Variants in WDR74 observed in about 807,000 individuals in gnomAD.
WDR74 encodes the protein WD repeat domain 74, also known as WD repeat-containing protein 74.
WDR74 carries 31 observed loss-of-function variants against 45.6 expected under a neutral mutation model. That is an observed-to-expected ratio of 0.68 (90% confidence interval 0.51 to 0.92). The LOEUF (loss-of-function observed/expected upper bound fraction) is 0.92, where lower values mean the gene tolerates loss of function less well. Among genes scored for constraint, WDR74 ranks in the 40% least tolerant of loss-of-function variants. The probability of loss-of-function intolerance (pLI) is 0.00; values close to 1 mark genes in which losing one functional copy is unlikely to be tolerated. For synonymous variants in WDR74, 191 were observed against 192.4 expected (o/e 0.99, Z 0.06); for missense variants, 455 against 497.2 (o/e 0.92, Z 0.81).
At chr11:62,837,427 G>A (rs1051163338) in intron 3 of WDR74, among the ~76,000 whole-genome samples, 1 of 151,286 alleles carries the variant, frequency 6.6e-6, no homozygotes, top group African/African-American at 2.4e-5. Context: ...AGCCTGGGAG[G>A]CAGAAGTTGC....
chr11:62,841,689 T>A (rs554345122), upstream of WDR74: 2 of 152,050 alleles, frequency 1.3e-5, no homozygotes, highest in African/African-American at 2.4e-5. Flanking sequence ...CAAGCTCCTA[T>A]TCCATCTCCT....
upstream of WDR74, among the ~76,000 whole-genome samples, chr11:62,841,162 TA>T (rs2085039216): frequency 2.0e-5 from 3 of 151,916 alleles, no homozygotes; most frequent in Non-Finnish European, 2.9e-5. Flanking sequence ...ATTAAAAGTA[TA>T]AAAATTCGCT....
At chr11:62,834,082 AGGTGAGGAAACTAAGGCACAGGGAGTT>A in intron 8 of WDR74, 145 bp from the exon 9 acceptor site, 1 of 1,421,998 alleles carries the variant, frequency 7.0e-7, no homozygotes, top group African/African-American at 1.4e-5. Context: ...TCCATTTCGC[AGGTGAGGAAACTAAGGCACAGGGAGTT>A]GAAATAATTA....
upstream of WDR74, chr11:62,841,754 T>C (rs989007850): frequency 2.6e-5 from 4 of 152,226 alleles, no homozygotes; most frequent in African/African-American, 4.8e-5. Flanking sequence ...TATCAGATAT[T>C]AAACTGATAA....
At chr11:62,837,025 G>A (rs1038657951) in intron 3 of WDR74, among the ~76,000 whole-genome samples, 4 of 152,100 alleles carry the variant, frequency 2.6e-5, no homozygotes, top group Non-Finnish European at 4.4e-5. Context: ...GCAGTGAGCC[G>A]AGATCATGCC....
In WDR74 at chr11:62,835,422, A is replaced by G. The variant is rs1443600130; in HGVS notation, c.618+9T>C. ...CCCAGGAGAAGGCAGGTGTGAGGTGACACCTTACCTGGTGGTACCCTGTGC... is the reference window on the plus strand; with the variant it reads ...CCCAGGAGAAGGCAGGTGTGAGGTGGCACCTTACCTGGTGGTACCCTGTGC... On this transcript the variant is annotated intron_variant, in intron 6 of 10. Transcript: ENST00000278856. The G allele has an allele frequency of 6.2e-7, 1 of 1,613,076 alleles. No homozygotes were observed. The highest frequency in any genetic ancestry group is 1.3e-5 in the African/African-American group (1 of 74,886).
At chr11:62,841,598 A>T (rs539260370), upstream of WDR74, 1 of 152,156 alleles carries the variant, frequency 6.6e-6, no homozygotes. Flanking sequence ...CCATTAAACA[A>T]CGGTTGTTCT....
chr11:62,835,359 C>T (rs1025413640), intron 6 of WDR74, 72 bp downstream of exon 6: 1 of 1,430,110 alleles, frequency 7.0e-7, no homozygotes, highest in East Asian at 2.3e-5. Flanking sequence ...GCAGTTGTGT[C>T]AAACCGTGGG....
At chr11:62,840,835 G>C (rs955968402), upstream of WDR74, among the ~76,000 whole-genome samples, 1 of 152,140 alleles carries the variant, frequency 6.6e-6, no homozygotes, top group African/African-American at 2.4e-5. Flanking sequence ...CCAACCTCCC[G>C]AAGTGCTAGG....
At chr11:62,838,482 G>C (rs893429684) in intron 3 of WDR74, among the ~76,000 whole-genome samples, 3 of 151,842 alleles carry the variant, frequency 2.0e-5, no homozygotes, top group Non-Finnish European at 4.4e-5. Context: ...ATGACAAGCA[G>C]GCACAGTGGC....
chr11:62,833,025 C>T lies in WDR74; in HGVS notation c.1085G>A (p.Gly362Asp), dbSNP rs1212790166. ...GAGAGCTCCTTGGGGCTGCTCCAAA[C>T]CCGAGAGCTTCCGCTTGGCAGCTGC... Reference protein sequence around the residue: ...LEAAAKRKLSGLEQPQGALQT... With the variant: ...LEAAAKRKLSDLEQPQGALQT... The change falls in exon 11 of 11, where the codon GGT becomes GAT. Residue 362 changes from glycine to aspartate, a missense_variant. Transcript: ENST00000278856. 2 of 1,609,952 alleles carry T rather than the reference C, an allele frequency of 1.2e-6. No individual in the cohort carries two copies. The highest frequency in any genetic ancestry group is 1.7e-6 in the Non-Finnish European group (2 of 1,178,256).
At chr11:62,835,349 G>T in intron 6 of WDR74, 82 bp downstream of exon 6, 1 of 1,271,206 alleles carries the variant, frequency 7.9e-7, no homozygotes, top group Non-Finnish European at 1.1e-6. Context: ...GGTGAGAAGA[G>T]CAGTTGTGTC....
chr11:62,841,368 C>CT (rs1565224911), upstream of WDR74, among the ~76,000 whole-genome samples: 1 of 152,052 alleles, frequency 6.6e-6, no homozygotes, highest in East Asian at 1.9e-4. Context: ...GGGGTGGTGG[C>CT]AAGCGCTCAA....
At chr11:62,841,643 A>ACTGC (rs2085061328), upstream of WDR74, 1 of 152,248 alleles carries the variant, frequency 6.6e-6, no homozygotes, top group African/African-American at 2.4e-5. Flanking sequence ...TCCTGGAAGT[A>ACTGC]CTGCAATACC....
chr11:62,840,355 C>T, upstream of WDR74: 1 of 152,062 alleles, frequency 6.6e-6, no homozygotes, highest in Non-Finnish European at 1.5e-5. Context: ...TGGTGGCGGG[C>T]GCCTGTAGTC....
At chr11:62,841,651 A>G (rs1323478630), upstream of WDR74, 4 of 152,224 alleles carry the variant, frequency 2.6e-5, no homozygotes, top group Admixed American at 6.5e-5. Context: ...GTACTGCAAT[A>G]CCAGGTCGAT....
upstream of WDR74, chr11:62,841,710 A>G (rs867579943): frequency 3.9e-5 from 6 of 152,214 alleles, no homozygotes; most frequent in Non-Finnish European, 5.9e-5. Flanking sequence ...ATTTCCAAAA[A>G]TCCATTTAAT....
rs2084949740 is a variant in WDR74, at chr11:62,835,751, C to T, written c.460G>A (p.Ala154Thr). 6.2e-7 allele frequency: 1 copy of T among 1,613,952 alleles called. No individual in the cohort carries two copies. The highest frequency in any genetic ancestry group is 8.5e-7 in the Non-Finnish European group (1 of 1,179,882). Residue 154 changes from alanine to threonine, a missense_variant, in exon 5 of 11, where the codon GCT (alanine) becomes ACT (threonine). Coordinates refer to ENST00000278856, the MANE Select transcript of WDR74 (RefSeq NM_001369450.1). ...HVVATGGKEN[A>T]LKIWDLQGSE... Reference sequence around the variant, plus strand: ...CCCTGCAGGTCCCATATCTTCAAAGCATTCTCTTTCCCACCTGTGGCAACC... The same window carrying T: ...CCCTGCAGGTCCCATATCTTCAAAGTATTCTCTTTCCCACCTGTGGCAACC...
chr11:62,840,708 G>A (rs2134902878), upstream of WDR74, among the ~76,000 whole-genome samples: 1 of 152,278 alleles, frequency 6.6e-6, no homozygotes, highest in South Asian at 2.1e-4. Context: ...ATCTTGCTCT[G>A]TCTCTCAGGC....
Sources: allele counts gnomAD v4.1 joint callset (sites outside exome capture counted in the v4.1 genomes callset), GRCh38; gene constraint gnomAD v4.1.1; transcripts MANE v1.5; gene names NCBI Gene and HGNC (gene_info 2026-07-23, HGNC 2026-07-21).